The following PLEKHA5 variants were observed in gnomAD, a reference collection of about 807,000 sequenced individuals.
The protein encoded by PLEKHA5 is pleckstrin homology domain containing A5, also known as pleckstrin homology domain-containing family A member 5.
A neutral mutation model predicts 181.9 loss-of-function variants in PLEKHA5; 55 were observed. The observed-to-expected ratio is 0.30, with a 90% CI of 0.24 to 0.38. PLEKHA5 has a LOEUF of 0.38. Among genes scored for constraint, PLEKHA5 ranks in the 10% least tolerant of loss-of-function variants. The pLI is 1.00. For synonymous variants in PLEKHA5, 535 were observed against 529.4 expected (o/e 1.01, Z -0.15); for missense variants, 1,432 against 1,549.5 (o/e 0.92, Z 1.27).
intron 3 of PLEKHA5, among the ~76,000 whole-genome samples, chr12:19,165,007 A>G (rs2043966923): frequency 6.6e-6 from 1 of 152,084 alleles, no homozygotes; most frequent in South Asian, 2.1e-4. Context: ...ACTAACCTGG[A>G]CAAAGCTCAC....
chr12:19,272,700 GCACTCCCCCCTGGGTTATACGGCA>G (rs1459382591), intron 10 of PLEKHA5, among the ~76,000 whole-genome samples: 2 of 152,118 alleles, frequency 1.3e-5, no homozygotes, highest in Non-Finnish European at 1.5e-5. Flanking sequence ...TCACGTCACT[GCACTCCCCCCTGGGTTATACGGCA>G]AGAGACCTTA....
At chr12:19,339,444 A>G (rs1321703103) in intron 21 of PLEKHA5, among the ~76,000 whole-genome samples, 1 of 152,200 alleles carries the variant, frequency 6.6e-6, no homozygotes, top group Non-Finnish European at 1.5e-5. Flanking sequence ...CCTGCCAAAA[A>G]ATATATTTAT....
chr12:19,187,848 A>G (rs1032022331), intron 3 of PLEKHA5, among the ~76,000 whole-genome samples: 2 of 152,234 alleles, frequency 1.3e-5, no homozygotes, highest in African/African-American at 4.8e-5. Context: ...GACCATTTTA[A>G]TATTTTTTAA....
At chr12:19,241,177 T>G (rs557890604) in intron 3 of PLEKHA5, among the ~76,000 whole-genome samples, 1 of 152,322 alleles carries the variant, frequency 6.6e-6, no homozygotes, top group Admixed American at 6.5e-5. Flanking sequence ...ACTAACACAT[T>G]CAAGTTCAGC....
chr12:19,360,380 T>C (rs1015522791), intron 28 of PLEKHA5, among the ~76,000 whole-genome samples: 1 of 148,400 alleles, frequency 6.7e-6, no homozygotes, highest in Non-Finnish European at 1.5e-5. Context: ...CCAAGGCGAG[T>C]GGATCACTTG....
chr12:19,210,506 A>G (rs934919325), intron 3 of PLEKHA5, among the ~76,000 whole-genome samples: 2 of 152,192 alleles, frequency 1.3e-5, no homozygotes, highest in Admixed American at 6.5e-5. Flanking sequence ...TCTGGTGTAC[A>G]GCTTGTCTGC....
intron 3 of PLEKHA5, among the ~76,000 whole-genome samples, chr12:19,165,759 T>A (rs2044210631): frequency 6.6e-6 from 1 of 152,168 alleles, no homozygotes; most frequent in South Asian, 2.1e-4. Context: ...AAAACCTCTG[T>A]ATTTTGGTCT....
At chr12:19,281,878 G>A (rs182380747) in intron 11 of PLEKHA5, among the ~76,000 whole-genome samples, 2 of 151,864 alleles carry the variant, frequency 1.3e-5, no homozygotes, top group Admixed American at 1.3e-4. Flanking sequence ...GCTTCCTGGG[G>A]TCACGCCATT....
At chr12:19,313,027 A>C (rs1025376811) in intron 15 of PLEKHA5, among the ~76,000 whole-genome samples, 1 of 152,154 alleles carries the variant, frequency 6.6e-6, no homozygotes, top group Non-Finnish European at 1.5e-5. Context: ...GGCCCAAGGA[A>C]AGGAAGAGAG....
At chr12:19,288,422 G>C (rs12305405) in intron 13 of PLEKHA5, among the ~76,000 whole-genome samples, 9,543 of 152,210 alleles carry the variant, frequency 0.063, 503 homozygotes, top group East Asian at 0.19. Flanking sequence ...AAAGAGAAAA[G>C]ATGACTTTTC....
intron 3 of PLEKHA5, among the ~76,000 whole-genome samples, chr12:19,190,031 GCTT>G (rs2050731636): frequency 6.6e-6 from 1 of 152,004 alleles, no homozygotes; most frequent in Non-Finnish European, 1.5e-5. Flanking sequence ...TACAACGTGC[GCTT>G]CTTCATTTCC....
rs2070109061 is a variant in PLEKHA5, at chr12:19,265,652, A to G, written c.611-98A>G. The G allele has an allele frequency of 7.3e-6, 5 of 681,908 alleles. No homozygotes were observed. In the South Asian group the frequency reaches 9.2e-5, roughly 13 times the overall value. 42.2% of individuals were successfully genotyped at this position (681,908 alleles called of 1,614,324 possible). On this transcript the variant is annotated intron_variant, in intron 7 of 31. Transcript: ENST00000429027. Reference sequence around the variant, plus strand: ...GCCTGAACATGAATATAGTTCATTTATGTACAAGAACCTTTTGATTTGGCA... The same window carrying G: ...GCCTGAACATGAATATAGTTCATTTGTGTACAAGAACCTTTTGATTTGGCA...
intron 29 of PLEKHA5, among the ~76,000 whole-genome samples, chr12:19,362,854 C>T: frequency 6.6e-6 from 1 of 152,156 alleles, no homozygotes; most frequent in Non-Finnish European, 1.5e-5. Context: ...ACTGCCTATG[C>T]AGTCGGCCCT....
rs375631059 is a variant in PLEKHA5, at chr12:19,337,374, G to A, written c.2550+758G>A. 9.2e-5 allele frequency among the ~76,000 whole-genome samples: 14 copies of A among 151,750 alleles called. No homozygotes were observed. The South Asian group carries it at 2.1e-3, about 23-fold the overall frequency. ...TTGAGACCAGCCTGGCCAACATGGC[G>A]AAACCCTGTCTCTACTATAAATACA... is the stretch of plus-strand genomic sequence containing the variant. On this transcript the variant is annotated intron_variant, in intron 21 of 31. Transcript: ENST00000429027.
intron 28 of PLEKHA5, 25 bp from the exon 29 acceptor site, chr12:19,361,557 G>A (rs551498601): frequency 7.5e-5 from 90 of 1,199,762 alleles, no homozygotes; most frequent in Middle Eastern, 2.2e-4. Context: ...TCTTTGAAAA[G>A]AAAATTTTTC....
At chr12:19,275,480 C>T (rs910698898) in intron 11 of PLEKHA5, among the ~76,000 whole-genome samples, 42 of 152,260 alleles carry the variant, frequency 2.8e-4, no homozygotes, top group African/African-American at 7.0e-4. Flanking sequence ...CTATTAAATT[C>T]AAGGCCAGGC....
chr12:19,250,310 C>T (rs756396136), intron 3 of PLEKHA5, among the ~76,000 whole-genome samples: 1 of 152,254 alleles, frequency 6.6e-6, no homozygotes, highest in East Asian at 1.9e-4. Context: ...TTTGGCCGGG[C>T]GCAGAGGCTC....
At chr12:19,230,006 G>A (rs1010892597) in intron 3 of PLEKHA5, among the ~76,000 whole-genome samples, 9 of 152,108 alleles carry the variant, frequency 5.9e-5, no homozygotes, top group African/African-American at 1.7e-4. Context: ...CAATCCCTTA[G>A]GTAGACATAA....
chr12:19,211,302 T>G (rs1299334348), intron 3 of PLEKHA5, among the ~76,000 whole-genome samples: 3 of 152,096 alleles, frequency 2.0e-5, no homozygotes, highest in Admixed American at 6.5e-5. Context: ...TGGCAAATAC[T>G]TAGCAGATGT....
Sources: gnomAD v4.1 joint callset for allele counts (sites outside exome capture counted in the v4.1 genomes callset) on GRCh38, gnomAD v4.1.1 for gene constraint, MANE v1.5 for transcripts, NCBI Gene and HGNC (gene_info 2026-07-23, HGNC 2026-07-21) for gene names.